The following ADAM19 variants were observed in gnomAD, a reference collection of about 807,000 sequenced individuals.
The protein encoded by ADAM19 is ADAM metallopeptidase domain 19.
In ADAM19, 65 loss-of-function variants were observed where a neutral mutation model predicts 114.7. The ratio of observed to expected loss-of-function variants is 0.57; its 90% CI spans 0.46 to 0.70. ADAM19 has a LOEUF of 0.70. Among genes scored for constraint, ADAM19 ranks in the 30% least tolerant of loss-of-function variants. ADAM19 has a pLI of 0.00. For missense variants in ADAM19, 1,063 were observed against 1,204.7 expected (o/e 0.88, Z 1.74); for synonymous variants, 466 against 460.5 (o/e 1.01, Z -0.15).
chr5:157,502,095 TCA>T (rs1755580498), intron 12 of ADAM19, among the ~76,000 whole-genome samples: 2 of 152,130 alleles, frequency 1.3e-5, no homozygotes, highest in East Asian at 1.9e-4. Context: ...ATACAGAACC[TCA>T]GTCTCACCCC....
At chr5:157,499,772 T>TA in intron 12 of ADAM19, 110 bp from the exon 13 acceptor site, 4 of 522,968 alleles carry the variant, frequency 7.6e-6, no homozygotes, top group Non-Finnish European at 1.3e-5. Context: ...AGCAACTATC[T>TA]CTTTTTTTTT....
Position 157,543,241 on chromosome 5 carries a change from C to T in ADAM19, c.252-5250G>A, listed in dbSNP as rs77760678. ...GATAAATAAAACTTCGAGAAGTGCT[C>T]ACTATGTATTTGTATAAAAATTGTT... On this transcript the variant is annotated intron_variant, in intron 3 of 22. Coordinates refer to ENST00000257527, the MANE Select transcript of ADAM19 (RefSeq NM_033274.5). 7.6e-3 allele frequency among the ~76,000 whole-genome samples: 1,157 copies of T among 152,278 alleles called. 11 individuals carry two copies. The highest frequency in any genetic ancestry group is 8.5e-3 in the Non-Finnish European group (577 of 68,026).
At chr5:157,498,677 C>T (rs1425448330) in intron 13 of ADAM19, among the ~76,000 whole-genome samples, 1 of 103,902 alleles carries the variant, frequency 9.6e-6, no homozygotes, top group African/African-American at 3.8e-5. Flanking sequence ...TATAATTACA[C>T]ATGTGTGTAT....
chr5:157,572,957 C>T (rs11465241), intron 1 of ADAM19, among the ~76,000 whole-genome samples: 22,115 of 151,952 alleles, frequency 0.15, 1,682 homozygotes, highest in Middle Eastern at 0.25. Flanking sequence ...GGCTGAGGCA[C>T]GAGAATCCCT....
chr5:157,541,563 T>A (rs1272770278), intron 3 of ADAM19, among the ~76,000 whole-genome samples: 1 of 152,044 alleles, frequency 6.6e-6, no homozygotes, highest in African/African-American at 2.4e-5. Flanking sequence ...ATCTTCAGAC[T>A]CCCACCTAGG....
chr5:157,570,700 T>A (rs762632536), intron 2 of ADAM19, 195 bp downstream of exon 2: 1 of 524,414 alleles, frequency 1.9e-6, no homozygotes, highest in Non-Finnish European at 3.4e-6. Flanking sequence ...ACTAATAGCA[T>A]TGGGAAGTGT....
intron 3 of ADAM19, among the ~76,000 whole-genome samples, chr5:157,552,020 G>A (rs758069544): frequency 5.9e-5 from 9 of 152,066 alleles, no homozygotes; most frequent in South Asian, 2.1e-4. Flanking sequence ...GTGTGGTGGC[G>A]TGCACCTGTA....
intron 10 of ADAM19, 109 bp downstream of exon 10, chr5:157,506,947 C>G: frequency 9.9e-7 from 1 of 1,007,824 alleles, no homozygotes; most frequent in Non-Finnish European, 1.5e-6. Context: ...GATGTCAAAG[C>G]TTTTTCTGCT....
At chr5:157,561,396 G>A (rs1757505110) in intron 3 of ADAM19, among the ~76,000 whole-genome samples, 1 of 152,104 alleles carries the variant, frequency 6.6e-6, no homozygotes, top group African/African-American at 2.4e-5. Context: ...TTAATACGTG[G>A]GCTTTGATTT....
rs1242666836 is a variant in ADAM19 at position 157,479,091 on chromosome 5, G to A, written c.*1858C>T. 32 of 985,722 alleles carry A rather than the reference G, an allele frequency of 3.2e-5. No homozygotes were observed. Among genetic ancestry groups the A allele is most frequent in the Non-Finnish European group, 3.7e-5 (31 of 829,968 alleles). 61.1% of individuals were successfully genotyped at this position (985,722 alleles called of 1,614,324 possible). On this transcript the variant is annotated 3_prime_UTR_variant, in exon 23 of 23. Transcript: ENST00000257527. ...TAAAAGGTTGGGCCACAGGAAAGGT[G>A]GGGAATGGATCTCCACAGCAAGGAT...
chr5:157,513,226 G>GA lies in ADAM19; in HGVS notation c.738+207dup, dbSNP rs199848620. ...TTTATAAGCTGAAAACAGAACAAAA[G>GA]AAAAAAAAATGCAACACAAAGAAAA... On this transcript the variant is annotated intron_variant, in intron 8 of 22. Transcript: ENST00000257527. 8.9e-3 allele frequency among the ~76,000 whole-genome samples: 1,339 copies of GA among 151,296 alleles called. 12 individuals are homozygous for GA. Among genetic ancestry groups the GA allele is most frequent in the African/African-American group, 0.03 (1,229 of 41,274 alleles).
chr5:157,509,420 C>T lies in ADAM19; in HGVS notation c.786G>A (p.Val262=), dbSNP rs202184257. ...NIRIALVGLE[V]WTHGNMCEVS... ...CTTCACACATGTTCCCGTGGGTCCA[C>T]ACTTCCAAGCCCACGAGAGCAATCC... The change falls in exon 9 of 23, where the codon GTG becomes GTA. Residue 262 remains valine, a synonymous_variant. Coordinates refer to ENST00000257527, the MANE Select transcript of ADAM19 (RefSeq NM_033274.5). 1.9e-6 allele frequency: 3 copies of T among 1,612,454 alleles called. No homozygotes were observed. The highest frequency in any genetic ancestry group is 2.5e-6 in the Non-Finnish European group (3 of 1,179,162).
intron 4 of ADAM19, among the ~76,000 whole-genome samples, chr5:157,536,354 G>A (rs564457189): frequency 1.3e-3 from 194 of 151,968 alleles, no homozygotes; most frequent in African/African-American, 4.5e-3. Flanking sequence ...TTAGCCGGGC[G>A]CAGTGGATCA....
rs1754710378 is a variant in ADAM19 at position 157,480,437 on chromosome 5, C to T, written c.*512G>A. The T allele has an allele frequency of 1.0e-6, 1 of 990,366 alleles. No homozygotes were observed. Among genetic ancestry groups the T allele is most frequent in the Non-Finnish European group, 1.2e-6 (1 of 833,194 alleles). 61.3% of individuals were successfully genotyped at this position (990,366 alleles called of 1,614,324 possible). Reference sequence around the variant, plus strand: ...CTCAACCAAGCCCTGGGCAGGGCCACAGCAGTGGCTGGCTTGACCCTTCCT... The same window carrying T: ...CTCAACCAAGCCCTGGGCAGGGCCATAGCAGTGGCTGGCTTGACCCTTCCT... On this transcript the variant is annotated 3_prime_UTR_variant, in exon 23 of 23. Transcript: ENST00000257527.
At chr5:157,505,617 G>C in intron 11 of ADAM19, 52 bp downstream of exon 11, 1 of 1,600,160 alleles carries the variant, frequency 6.2e-7, no homozygotes, top group African/African-American at 1.3e-5. Context: ...GGGTCACACT[G>C]TCCAGGTGTG....
Position 157,478,056 on chromosome 5 carries a change from T to A in ADAM19, c.*2893A>T, listed in dbSNP as rs1369849096. 5.1e-6 allele frequency: 1 copy of A among 197,050 alleles called. No individual in the cohort carries two copies. The highest frequency in any genetic ancestry group is 1.2e-4 in the East Asian group (1 of 8,094). 12.2% of individuals were successfully genotyped at this position (197,050 alleles called of 1,614,324 possible). ...AGAGACAGGGAGACAGGGCACTAAA[T>A]CCCTTGAGGTTTGTTTTAGAGATGG... On this transcript the variant is annotated 3_prime_UTR_variant, in exon 23 of 23. Transcript: ENST00000257527.
At chr5:157,545,296 C>T (rs1757018016) in intron 3 of ADAM19, among the ~76,000 whole-genome samples, 1 of 152,074 alleles carries the variant, frequency 6.6e-6, no homozygotes, top group South Asian at 2.1e-4. Context: ...AGTGGCCCAA[C>T]TTGCATTTAA....
chr5:157,534,692 C>T (rs911940336), intron 4 of ADAM19, among the ~76,000 whole-genome samples: 3 of 152,184 alleles, frequency 2.0e-5, no homozygotes, highest in Non-Finnish European at 4.4e-5. Context: ...CCAGCTCTTA[C>T]TGCTTGCTGA....
intron 16 of ADAM19, 59 bp downstream of exon 16, chr5:157,492,914 C>T (rs1165627847): frequency 3.2e-6 from 5 of 1,583,472 alleles, no homozygotes; most frequent in Admixed American, 1.7e-5. Flanking sequence ...CCTCAGACCT[C>T]ACTTCTCAAT....
Sources: allele counts gnomAD v4.1 joint callset (sites outside exome capture counted in the v4.1 genomes callset), GRCh38; gene constraint gnomAD v4.1.1; transcripts MANE v1.5; gene names NCBI Gene and HGNC (gene_info 2026-07-23, HGNC 2026-07-21).